ATP11B: variants seen among roughly 807,000 people sequenced by gnomAD.
ATP11B encodes the protein ATPase phospholipid transporting 11B (putative).
A neutral mutation model predicts 157.8 loss-of-function variants in ATP11B; 81 were observed. The ratio of observed to expected loss-of-function variants is 0.51; its 90% CI spans 0.43 to 0.62. The LOEUF is 0.62. Among genes scored for constraint, ATP11B ranks in the 20% least tolerant of loss-of-function variants. The pLI, the probability that ATP11B is intolerant of heterozygous loss-of-function variation, is 0.00. For synonymous variants in ATP11B, 451 were observed against 469.4 expected, an observed-to-expected ratio of 0.96 and a Z score of 0.51; for missense variants, 1,165 against 1,402.2, an observed-to-expected ratio of 0.83 and a Z score of 2.70.
chr3:182,898,770 C>T lies in ATP11B; in HGVS notation c.3316C>T (p.Gln1106Ter). 2 of 1,507,112 alleles carry T rather than the reference C, an allele frequency of 1.3e-6. No homozygotes were observed. Among genetic ancestry groups the T allele is most frequent in the Non-Finnish European group, 1.8e-6 (2 of 1,129,372 alleles). 93.4% of individuals were successfully genotyped at this position (1,507,112 alleles called of 1,614,324 possible). ...CCACCCTACAAGTACTGAAAAGGCACAGGTAACCACTTTTTATAATAAATT... is the reference window on the plus strand; with the variant it reads ...CCACCCTACAAGTACTGAAAAGGCATAGGTAACCACTTTTTATAATAAATT... ...HLHPTSTEKA[Q>*]LTETNAGIKC... Residue 1106 changes from glutamine to a stop codon, truncating the protein, a stop_gained and splice_region_variant, in exon 28 of 30, where the codon CAG becomes TAG. Transcript: ENST00000323116. LOFTEE classifies it high-confidence loss of function.
chr3:182,910,015 G>A (rs1724658492), intron 28 of ATP11B, among the ~76,000 whole-genome samples: 1 of 125,588 alleles, frequency 8.0e-6, no homozygotes, highest in Admixed American at 1.0e-4. Flanking sequence ...AGTGAACCAA[G>A]ATCACACCAC....
intron 10 of ATP11B, among the ~76,000 whole-genome samples, chr3:182,853,536 A>G (rs553509639): frequency 6.6e-6 from 1 of 152,322 alleles, no homozygotes; most frequent in Non-Finnish European, 1.5e-5. Flanking sequence ...AACAGTTAAG[A>G]AAATGAAATT....
At chr3:182,879,227 CA>C (rs1722254573) in intron 19 of ATP11B, among the ~76,000 whole-genome samples, 1 of 152,154 alleles carries the variant, frequency 6.6e-6, no homozygotes, top group South Asian at 2.1e-4. Context: ...CACTATACTC[CA>C]GCCTGGGTGA....
At chr3:182,802,874 T>C (rs972121943) in intron 1 of ATP11B, among the ~76,000 whole-genome samples, 3 of 152,210 alleles carry the variant, frequency 2.0e-5, no homozygotes, top group Admixed American at 2.0e-4. Context: ...CACCATTTCT[T>C]TCTCATGTAT....
chr3:182,902,514 T>G (rs1329650978), intron 28 of ATP11B: 4 of 1,289,462 alleles, frequency 3.1e-6, no homozygotes, highest in Admixed American at 2.3e-5. Context: ...AAGTGACGAG[T>G]TCATCGCACT....
At chr3:182,844,558 A>G in intron 8 of ATP11B, 1 of 984,904 alleles carries the variant, frequency 1.0e-6, no homozygotes, top group Non-Finnish European at 1.2e-6. Flanking sequence ...AGAAATTCAA[A>G]CAGCAAGAAG....
At chr3:182,810,411 A>G (rs1323622127) in intron 1 of ATP11B, among the ~76,000 whole-genome samples, 2 of 152,216 alleles carry the variant, frequency 1.3e-5, no homozygotes, top group Non-Finnish European at 2.9e-5. Flanking sequence ...CTTAAAGTTT[A>G]ATTTTCATAG....
At chr3:182,896,974 A>G (rs1723593532) in intron 26 of ATP11B, among the ~76,000 whole-genome samples, 1 of 152,122 alleles carries the variant, frequency 6.6e-6, no homozygotes, top group African/African-American at 2.4e-5. Context: ...GATATTTATG[A>G]TCACATTTTT....
chr3:182,909,804 T>C (rs1384110313), intron 28 of ATP11B, among the ~76,000 whole-genome samples: 2 of 152,086 alleles, frequency 1.3e-5, no homozygotes, highest in East Asian at 3.9e-4. Flanking sequence ...TGGCTCATGC[T>C]TATAATCCTA....
chr3:182,887,593 A>G lies in ATP11B; in HGVS notation c.2723A>G (p.Tyr908Cys). The G allele has an allele frequency of 3.1e-6, 5 of 1,609,678 alleles. No individual in the cohort carries two copies. Among genetic ancestry groups the G allele is most frequent in the Non-Finnish European group, 4.2e-6 (5 of 1,178,776 alleles). Residue 908 changes from tyrosine (Y) to cysteine (C), a missense_variant, in exon 24 of 30, where the codon TAT becomes TGT. Transcript: ENST00000323116. ...FYCLFSQQTL[Y>C]DSVYLTLYNI... ...ACCAATTTCTCTTTCTAGACATTGT[A>G]TGACAGCGTGTACCTGACTTTATAC...
intron 1 of ATP11B, among the ~76,000 whole-genome samples, chr3:182,819,364 C>T (rs1247191302): frequency 6.6e-6 from 1 of 152,312 alleles, no homozygotes; most frequent in East Asian, 1.9e-4. Context: ...AGCCAGCGCG[C>T]CCGGCGTCTT....
At chr3:182,904,143 G>A (rs1055037043) in intron 28 of ATP11B, among the ~76,000 whole-genome samples, 12 of 152,336 alleles carry the variant, frequency 7.9e-5, no homozygotes, top group South Asian at 2.1e-4. Context: ...GAGAGCGGCA[G>A]ACCTGAATGC....
chr3:182,873,702 C>A, intron 18 of ATP11B, 110 bp from the exon 19 acceptor site: 1 of 876,912 alleles, frequency 1.1e-6, no homozygotes, highest in Non-Finnish European at 1.7e-6. Context: ...AATAACATTC[C>A]TAGGTCAAGT....
intron 1 of ATP11B, among the ~76,000 whole-genome samples, chr3:182,800,542 A>T (rs572100102): frequency 1.3e-5 from 2 of 151,906 alleles, no homozygotes; most frequent in African/African-American, 2.4e-5. Context: ...TTTGTATTTA[A>T]TTTTTTTGCA....
In ATP11B at chr3:182,896,726, T is replaced by C. The variant is rs1224812536; in HGVS notation, c.3009T>C (p.Thr1003=). 3 of 1,613,226 alleles carry C rather than the reference T, an allele frequency of 1.9e-6. No individual in the cohort carries two copies. The highest frequency in any genetic ancestry group is 2.5e-6 in the Non-Finnish European group (3 of 1,179,380). ...TGTTTGGAAACTGGACATTTGGCACTTTGGTCTTCACAGTCATGGTTATTA... is the reference window on the plus strand; with the variant it reads ...TGTTTGGAAACTGGACATTTGGCACCTTGGTCTTCACAGTCATGGTTATTA... ...GQMFGNWTFG[T]LVFTVMVITV... The change falls in exon 26 of 30, where the codon ACT becomes ACC. Residue 1003 remains threonine (T), a synonymous_variant. Transcript: ENST00000323116.
chr3:182,798,874 T>G (rs1315197184), intron 1 of ATP11B, among the ~76,000 whole-genome samples: 1 of 152,274 alleles, frequency 6.6e-6, no homozygotes, highest in African/African-American at 2.4e-5. Context: ...TAAATATACA[T>G]GTATTTGGTT....
intron 2 of ATP11B, among the ~76,000 whole-genome samples, chr3:182,825,924 T>C (rs1717689887): frequency 6.6e-6 from 1 of 152,088 alleles, no homozygotes; most frequent in Non-Finnish European, 1.5e-5. Context: ...AATAACCTTC[T>C]TGCAAAATAT....
intron 8 of ATP11B, 126 bp downstream of exon 8, chr3:182,842,248 TTTTG>T (rs1719106513): frequency 6.0e-6 from 4 of 671,842 alleles, no homozygotes; most frequent in Non-Finnish European, 2.6e-6. Flanking sequence ...TTTTGTTGTG[TTTTG>T]TTTGTTTTGT....
At chr3:182,826,259 T>G (rs1717715922) in intron 2 of ATP11B, among the ~76,000 whole-genome samples, 1 of 152,228 alleles carries the variant, frequency 6.6e-6, no homozygotes, top group Non-Finnish European at 1.5e-5. Context: ...TTTTATTTGT[T>G]CTGAGTTGTT....
Sources: gnomAD v4.1 joint callset for allele counts (sites outside exome capture counted in the v4.1 genomes callset) on GRCh38, gnomAD v4.1.1 for gene constraint, MANE v1.5 for transcripts, NCBI Gene and HGNC (gene_info 2026-07-23, HGNC 2026-07-21) for gene names.